The following ATG7 variants were observed in gnomAD, a reference collection of about 807,000 sequenced individuals.
ATG7 encodes the protein ubiquitin-like modifier-activating enzyme ATG7.
ATG7 carries 70 observed loss-of-function variants against 82.4 expected under a neutral mutation model. The ratio of observed to expected loss-of-function variants is 0.85; its 90% CI spans 0.70 to 1.04. The LOEUF is 1.04. Among genes scored for constraint, ATG7 ranks in the 50% least tolerant of loss-of-function variants. The pLI is 0.00. For missense variants in ATG7, 792 were observed against 864.3 expected, an observed-to-expected ratio of 0.92 and a Z score of 1.05; for synonymous variants, 287 against 313.0, an observed-to-expected ratio of 0.92 and a Z score of 0.88.
chr3:11,508,151 C>A (rs1294211647), intron 20 of ATG7, among the ~76,000 whole-genome samples: 1 of 151,918 alleles, frequency 6.6e-6, no homozygotes, highest in Non-Finnish European at 1.5e-5. Flanking sequence ...AGGTCTACAG[C>A]AGATGTCAAC....
intron 9 of ATG7, among the ~76,000 whole-genome samples, chr3:11,316,627 A>G (rs1949452264): frequency 6.6e-6 from 1 of 152,240 alleles, no homozygotes; most frequent in African/African-American, 2.4e-5. Flanking sequence ...AAGCTCCAAG[A>G]GGGCAGGGCC....
chr3:11,534,892 T>C (rs959016404), intron 20 of ATG7, among the ~76,000 whole-genome samples: 1 of 152,236 alleles, frequency 6.6e-6, no homozygotes, highest in Non-Finnish European at 1.5e-5. Flanking sequence ...CAGGCCCACG[T>C]AGGCGCAGCC....
chr3:11,573,331 GAAA>G, the ATG7 span, among the ~76,000 whole-genome samples: 2 of 50,032 alleles, frequency 4.0e-5, no homozygotes, highest in Non-Finnish European at 8.7e-5. Flanking sequence ...AAGAAAGAAA[GAAA>G]GAAAGAAAGA....
At chr3:11,547,775 T>C (rs2071417233) in intron 20 of ATG7, among the ~76,000 whole-genome samples, 1 of 152,242 alleles carries the variant, frequency 6.6e-6, no homozygotes, top group Admixed American at 6.5e-5. Flanking sequence ...CTAATTATGT[T>C]TGAGTATCAT....
chr3:11,516,800 A>C (rs2092295391), intron 20 of ATG7, among the ~76,000 whole-genome samples: 1 of 152,214 alleles, frequency 6.6e-6, no homozygotes, highest in African/African-American at 2.4e-5. Context: ...TTACTAAATG[A>C]GGCTTGGCGC....
rs1181843007 is a variant in ATG7, at chr3:11,347,953, A to G, written c.1202A>G (p.Tyr401Cys). Residue 401 changes from tyrosine to cysteine, a missense_variant, in exon 14 of 21, where the codon TAT (tyrosine) becomes TGT (cysteine). Transcript: ENST00000693202. ...TCCAATCCTGTGAGGCAGCCTCTCT[A>G]TGAGTTTGAAGATTGCCTAGGGGGT... ...SYSNPVRQPL[Y>C]EFEDCLGGGK... 1 of 1,614,128 alleles carries G rather than the reference A, an allele frequency of 6.2e-7. No homozygotes were observed. Among genetic ancestry groups the G allele is most frequent in the Non-Finnish European group, 8.5e-7 (1 of 1,179,998 alleles).
intron 20 of ATG7, among the ~76,000 whole-genome samples, chr3:11,465,043 A>T (rs2086685703): frequency 2.2e-5 from 1 of 45,964 alleles, no homozygotes; most frequent in Non-Finnish European, 4.0e-5. Context: ...ATTGGCTGTA[A>T]AGGAAAAATT....
chr3:11,573,541 C>T, the ATG7 span, among the ~76,000 whole-genome samples: 2 of 152,176 alleles, frequency 1.3e-5, no homozygotes, highest in South Asian at 4.1e-4. Flanking sequence ...GGCAGCCATC[C>T]ACTTTGCTGT....
At chr3:11,386,760 A>G (rs542022247) in intron 19 of ATG7, among the ~76,000 whole-genome samples, 1 of 152,302 alleles carries the variant, frequency 6.6e-6, no homozygotes, top group East Asian at 1.9e-4. Flanking sequence ...GATGGATTCC[A>G]TATGTATGAT....
chr3:11,400,840 C>T (rs201786096), intron 19 of ATG7, among the ~76,000 whole-genome samples: 2 of 151,952 alleles, frequency 1.3e-5, no homozygotes, highest in East Asian at 3.9e-4. Flanking sequence ...AAACGTCACT[C>T]AGGGTAATAA....
At position 11,342,239 on chromosome 3, in the gene ATG7, G is replaced by C. The variant is rs751286844; in HGVS notation, c.1085G>C (p.Gly362Ala). 2 of 1,613,534 alleles carry C rather than the reference G, an allele frequency of 1.2e-6. No homozygotes were observed. Among genetic ancestry groups the C allele is most frequent in the South Asian group, 2.2e-5 (2 of 91,048 alleles). Residue 362 changes from glycine to alanine, a missense_variant, in exon 13 of 21, where the codon GGA becomes GCA. By Grantham distance (60) the Gly-to-Ala change is moderately conservative. Transcript: ENST00000693202. ...KVVSVKCLLLGAGTLGCNVAR... is the reference protein window; with the variant it reads ...KVVSVKCLLLAAGTLGCNVAR... ...GTGTCTGTCAAATGTCTGCTGCTTG[G>C]AGCCGGCACCTTGGGTTGCAATGTA...
chr3:11,443,143 C>A (rs1015952966), intron 20 of ATG7, among the ~76,000 whole-genome samples: 1 of 152,152 alleles, frequency 6.6e-6, no homozygotes, highest in Non-Finnish European at 1.5e-5. Context: ...TCGCCATGCA[C>A]TCCCTCTGGG....
intron 3 of ATG7, among the ~76,000 whole-genome samples, chr3:11,282,677 C>T (rs149198758): frequency 2.6e-3 from 397 of 152,284 alleles, no homozygotes; most frequent in Non-Finnish European, 4.7e-3. Context: ...TCTCATCTTC[C>T]GGTAGAGCCT....
At chr3:11,558,900 C>A, downstream of ATG7, 1 of 1,545,620 alleles carries the variant, frequency 6.5e-7, no homozygotes. Flanking sequence ...GCAGCACCCT[C>A]CCTCAGGCAG....
intron 5 of ATG7, among the ~76,000 whole-genome samples, chr3:11,306,294 C>T (rs1947724024): frequency 6.6e-6 from 1 of 152,232 alleles, no homozygotes; most frequent in Non-Finnish European, 1.5e-5. Flanking sequence ...CAGGAGAACA[C>T]ATACTTTCTA....
chr3:11,470,998 CCCT>C (rs761508678), intron 20 of ATG7, among the ~76,000 whole-genome samples: 2 of 152,124 alleles, frequency 1.3e-5, no homozygotes, highest in Non-Finnish European at 2.9e-5. Flanking sequence ...GTAGACACTT[CCCT>C]CCTAGCCTGG....
At chr3:11,495,844 C>T (rs1241250507) in intron 20 of ATG7, among the ~76,000 whole-genome samples, 1 of 152,166 alleles carries the variant, frequency 6.6e-6, no homozygotes, top group East Asian at 1.9e-4. Flanking sequence ...CCACATTCTC[C>T]CTTTATTTTC....
intron 20 of ATG7, among the ~76,000 whole-genome samples, chr3:11,554,298 C>T (rs918176740): frequency 1.3e-5 from 2 of 152,210 alleles, no homozygotes; most frequent in Non-Finnish European, 2.9e-5. Context: ...GCTCTTGAGC[C>T]AGCTCTCTAG....
At chr3:11,434,053 T>C (rs1285883636) in intron 20 of ATG7, among the ~76,000 whole-genome samples, 1 of 152,224 alleles carries the variant, frequency 6.6e-6, no homozygotes, top group African/African-American at 2.4e-5. Flanking sequence ...TCATGTGATA[T>C]GACTTCATTG....
Sources: gnomAD v4.1 joint callset for allele counts (sites outside exome capture counted in the v4.1 genomes callset) on GRCh38, gnomAD v4.1.1 for gene constraint, MANE v1.5 for transcripts, NCBI Gene and HGNC (gene_info 2026-07-23, HGNC 2026-07-21) for gene names.